The following ASTN2 variants were observed in gnomAD, a reference collection of about 807,000 sequenced individuals.
ASTN2 encodes the protein astrotactin-2.
Under a neutral mutation model 139.8 loss-of-function variants are expected in ASTN2, and 54 were observed. The observed-to-expected ratio is 0.39, with a 90% CI of 0.31 to 0.48. ASTN2 has a LOEUF of 0.48. ASTN2 is among the 20% of genes least tolerant of loss of function. ASTN2 has a pLI of 0.95. For synonymous variants in ASTN2, 756 were observed against 719.5 expected (o/e 1.05, Z -0.81); for missense variants, 1,565 against 1,725.1 (o/e 0.91, Z 1.64).
intron 5 of ASTN2, among the ~76,000 whole-genome samples, chr9:117,081,491 T>C (rs1177309014): frequency 6.6e-6 from 1 of 152,214 alleles, no homozygotes. Context: ...GCACACTGTC[T>C]GTATACTCCC....
intron 10 of ASTN2, among the ~76,000 whole-genome samples, chr9:116,956,259 C>T (rs561692988): frequency 1.3e-5 from 2 of 150,258 alleles, no homozygotes; most frequent in African/African-American, 2.4e-5. Context: ...CCACGTCTGG[C>T]TAATTTTGTA....
At position 116,627,590 on chromosome 9, in the gene ASTN2, T is replaced by G. The variant is rs544136442; in HGVS notation, c.3073-7147A>C. Among the ~76,000 whole-genome samples, 432 of 152,318 alleles carry G rather than the reference T, an allele frequency of 2.8e-3. 3 individuals carry two copies. The highest frequency in any genetic ancestry group is 1.4e-3 in the Non-Finnish European group (98 of 68,036). On this transcript the variant is annotated intron_variant, in intron 17 of 22. Transcript: ENST00000313400. ...ATATCATTTAATCATGTCAGCCTTATGTAGTAGTTTTGCTGTTCCTAGCCC... is the reference window on the plus strand; with the variant it reads ...ATATCATTTAATCATGTCAGCCTTAGGTAGTAGTTTTGCTGTTCCTAGCCC...
At chr9:116,498,369 G>C (rs1466473635) in intron 19 of ASTN2, among the ~76,000 whole-genome samples, 3 of 152,212 alleles carry the variant, frequency 2.0e-5, no homozygotes, top group Non-Finnish European at 4.4e-5. Flanking sequence ...AGGATCACTT[G>C]AGGCCAGGAG....
At chr9:117,365,966 T>C (rs1000741617) in intron 1 of ASTN2, among the ~76,000 whole-genome samples, 5 of 152,172 alleles carry the variant, frequency 3.3e-5, no homozygotes, top group Non-Finnish European at 7.3e-5. Flanking sequence ...CAAGTTAACA[T>C]AGCATTCTGT....
chr9:117,396,414 T>G (rs997011948), intron 1 of ASTN2, among the ~76,000 whole-genome samples: 10 of 152,226 alleles, frequency 6.6e-5, no homozygotes, highest in African/African-American at 2.4e-4. Context: ...CCCGTTAAGT[T>G]GTATTTTACA....
chr9:116,441,880 G>A (rs990584186), intron 21 of ASTN2, among the ~76,000 whole-genome samples: 4 of 152,144 alleles, frequency 2.6e-5, no homozygotes, highest in African/African-American at 4.8e-5. Flanking sequence ...GGTTATTTTT[G>A]CCTGCTGTTT....
At chr9:117,039,543 C>G (rs1045326589) in intron 6 of ASTN2, among the ~76,000 whole-genome samples, 1 of 151,898 alleles carries the variant, frequency 6.6e-6, no homozygotes, top group African/African-American at 2.4e-5. Flanking sequence ...ACATGTATAC[C>G]TGTGCAACAA....
chr9:117,187,766 T>G (rs1022897395), intron 3 of ASTN2, among the ~76,000 whole-genome samples: 3 of 151,402 alleles, frequency 2.0e-5, no homozygotes, highest in Non-Finnish European at 4.4e-5. Context: ...AGAAATAAAT[T>G]TATTTTCTCC....
chr9:116,651,311 G>A (rs1857900105), intron 17 of ASTN2, among the ~76,000 whole-genome samples: 1 of 152,158 alleles, frequency 6.6e-6, no homozygotes, highest in Admixed American at 6.5e-5. Context: ...ATTGTATTAA[G>A]CCACTGAGAT....
chr9:117,073,667 G>A lies in ASTN2; in HGVS notation c.1276+22377C>T, dbSNP rs137876971. The stretch of plus-strand genomic sequence containing the variant: ...AATGCATGACTGATGAATGAATGAA[G>A]GGACAAACCACTCCTTCTCTCAGGA... On this transcript the variant is annotated intron_variant, in intron 5 of 22. Transcript: ENST00000313400. 5.0e-3 allele frequency among the ~76,000 whole-genome samples: 768 copies of A among 152,198 alleles called. 2 individuals carry two copies. The highest frequency in any genetic ancestry group is 6.4e-3 in the Non-Finnish European group (435 of 68,008).
rs1587969333 is a variant in ASTN2, at chr9:117,106,028, G to T, written c.1169-9877C>A. Among the ~76,000 whole-genome samples the T allele has an allele frequency of 2.6e-5, 4 of 152,256 alleles. No homozygotes were observed. The South Asian group carries it at 8.3e-4, about 32-fold the overall frequency. ...TATAGAACCAATTCTGGAAGCTACA[G>T]TAGAGTAAGGGGGCAGATTTGAGTA... On this transcript the variant is annotated intron_variant, in intron 4 of 22. Coordinates refer to ENST00000313400, the MANE Select transcript of ASTN2 (RefSeq NM_001365068.1).
At chr9:117,080,552 C>G (rs77441104) in intron 5 of ASTN2, among the ~76,000 whole-genome samples, 11,914 of 151,730 alleles carry the variant, frequency 0.079, 588 homozygotes, top group East Asian at 0.21. Flanking sequence ...AAAGAGTGTG[C>G]AGGAAATGGG....
intron 4 of ASTN2, among the ~76,000 whole-genome samples, chr9:117,111,313 A>G (rs1266989120): frequency 6.6e-6 from 1 of 152,222 alleles, no homozygotes; most frequent in Non-Finnish European, 1.5e-5. Context: ...AATAGCTGTG[A>G]TCAGTTGGGT....
intron 10 of ASTN2, among the ~76,000 whole-genome samples, chr9:116,893,906 C>T (rs1833823246): frequency 6.6e-6 from 1 of 152,164 alleles, no homozygotes; most frequent in South Asian, 2.1e-4. Context: ...TCAACGTCTG[C>T]CCCCAGGCCC....
At chr9:116,695,497 A>G (rs1860800188) in intron 16 of ASTN2, among the ~76,000 whole-genome samples, 1 of 152,240 alleles carries the variant, frequency 6.6e-6, no homozygotes, top group South Asian at 2.1e-4. Flanking sequence ...ATATCTCTAC[A>G]TTAACTCCCC....
Position 116,866,892 on chromosome 9 carries a change from C to CA in ASTN2, c.1890-3160dup, listed in dbSNP as rs57448374. On this transcript the variant is annotated intron_variant, in intron 10 of 22. Transcript: ENST00000313400. Reference sequence around the variant, plus strand: ...TAGGTGACACAGCGAGACTCCGTCTCAAAAAAAAAAAAAAAAAAAAAGACA... The same window carrying CA: ...TAGGTGACACAGCGAGACTCCGTCTCAAAAAAAAAAAAAAAAAAAAAAGACA... 3.2e-3 allele frequency among the ~76,000 whole-genome samples: 288 copies of CA among 90,648 alleles called. 4 individuals carry two copies. Among genetic ancestry groups the CA allele is most frequent in the Middle Eastern group, 6.4e-3 (1 of 156 alleles). 59.5% of individuals were successfully genotyped at this position (90,648 alleles called of 152,430 possible).
intron 7 of ASTN2, 48 bp from the exon 8 acceptor site, chr9:116,976,833 A>G: frequency 9.7e-6 from 15 of 1,549,486 alleles, no homozygotes; most frequent in Non-Finnish European, 1.2e-5. Flanking sequence ...GTCTCCCCAA[A>G]TAGGCTTTTC....
chr9:117,083,774 T>C (rs1828490586), intron 5 of ASTN2, among the ~76,000 whole-genome samples: 2 of 152,210 alleles, frequency 1.3e-5, no homozygotes, highest in Admixed American at 1.3e-4. Context: ...GTTTGCTTTA[T>C]CGCCTTTGGT....
chr9:116,886,724 A>C (rs1159546368), intron 10 of ASTN2, among the ~76,000 whole-genome samples: 1 of 140,236 alleles, frequency 7.1e-6, no homozygotes, highest in African/African-American at 2.4e-5. Flanking sequence ...GGCATTTCAG[A>C]AATAAAAGAA....
Sources: allele counts gnomAD v4.1 joint callset (sites outside exome capture counted in the v4.1 genomes callset), GRCh38; gene constraint gnomAD v4.1.1; transcripts MANE v1.5; gene names NCBI Gene and HGNC (gene_info 2026-07-23, HGNC 2026-07-21).